Variants in TMEM209 observed in about 807,000 individuals in gnomAD.
The protein encoded by TMEM209 is transmembrane protein 209, also known as testicular tissue protein Li 202.
In TMEM209, 65 loss-of-function variants were observed where a neutral mutation model predicts 76.2. That is an observed-to-expected ratio of 0.85 (90% CI 0.70 to 1.05). TMEM209 has a LOEUF of 1.05. Ranked by LOEUF, TMEM209 falls within the 50% of genes least tolerant of loss-of-function variation. The pLI is 0.00. For synonymous variants in TMEM209, 239 were observed against 237.6 expected (o/e 1.01, Z -0.06); for missense variants, 623 against 685.5 (o/e 0.91, Z 1.02).
In TMEM209 at chr7:130,176,062, T is replaced by C. The variant is rs201182748; in HGVS notation, c.1247-453A>G. 9.2e-5 allele frequency among the ~76,000 whole-genome samples: 14 copies of C among 151,890 alleles called. No individual in the cohort carries two copies. The East Asian group carries it at 1.5e-3, about 17-fold the overall frequency. On this transcript the variant is annotated intron_variant, in intron 10 of 14. Transcript: ENST00000397622. ...ATATGTGGAAAGAAAGAATCAAATATGTCAAAAGGTTTCTAACTATCCAAT... is the reference window on the plus strand; with the variant it reads ...ATATGTGGAAAGAAAGAATCAAATACGTCAAAAGGTTTCTAACTATCCAAT...
intron 13 of TMEM209, among the ~76,000 whole-genome samples, chr7:130,172,735 A>T (rs1275490065): frequency 6.6e-6 from 1 of 152,120 alleles, no homozygotes. Context: ...ATGGTGGCTT[A>T]TGCCTGTAAT....
chr7:130,180,307 C>T (rs1354252677), intron 9 of TMEM209, among the ~76,000 whole-genome samples: 1 of 151,982 alleles, frequency 6.6e-6, no homozygotes, highest in Non-Finnish European at 1.5e-5. Flanking sequence ...ATAAAGAAAA[C>T]ATCTACCACT....
At chr7:130,191,230 AAAGAT>A (rs1445512342) in intron 6 of TMEM209, among the ~76,000 whole-genome samples, 1 of 151,868 alleles carries the variant, frequency 6.6e-6, no homozygotes, top group East Asian at 1.9e-4. Context: ...CCTAAGAGAT[AAAGAT>A]AAGTGGCATA....
intron 8 of TMEM209, among the ~76,000 whole-genome samples, chr7:130,183,773 T>C (rs1428353830): frequency 6.6e-6 from 1 of 152,194 alleles, no homozygotes; most frequent in East Asian, 1.9e-4. Flanking sequence ...TAATCTACTT[T>C]GAAATAGCTT....
At chr7:130,176,043 G>GGA in intron 10 of TMEM209, among the ~76,000 whole-genome samples, 1 of 151,602 alleles carries the variant, frequency 6.6e-6, no homozygotes, top group East Asian at 1.9e-4. Context: ...ATATATATGT[G>GGA]GAAAGAAAGA....
intron 5 of TMEM209, among the ~76,000 whole-genome samples, chr7:130,193,766 T>C (rs1004639891): frequency 3.3e-5 from 5 of 151,148 alleles, no homozygotes; most frequent in Non-Finnish European, 1.5e-5. Context: ...TCATTCTGTA[T>C]GATACTATAA....
intron 7 of TMEM209, among the ~76,000 whole-genome samples, chr7:130,184,792 T>C (rs1258667554): frequency 6.6e-6 from 1 of 152,186 alleles, no homozygotes; most frequent in Non-Finnish European, 1.5e-5. Context: ...GCCCAGCCCA[T>C]TTTTCTTGCT....
At chr7:130,186,004 T>C (rs1256466038) in intron 6 of TMEM209, among the ~76,000 whole-genome samples, 1 of 152,224 alleles carries the variant, frequency 6.6e-6, no homozygotes, top group Non-Finnish European at 1.5e-5. Context: ...TTCCGGGTTA[T>C]AGTTTTTGTC....
intron 14 of TMEM209, among the ~76,000 whole-genome samples, chr7:130,166,969 A>G (rs1796901891): frequency 6.6e-6 from 1 of 152,166 alleles, no homozygotes; most frequent in African/African-American, 2.4e-5. Flanking sequence ...ATATAACAAC[A>G]ACAACAAAAT....
At chr7:130,200,170 A>T (rs1798139394) in intron 5 of TMEM209, among the ~76,000 whole-genome samples, 1 of 151,926 alleles carries the variant, frequency 6.6e-6, no homozygotes, top group South Asian at 2.1e-4. Context: ...TATATATTAA[A>T]CTCTATAATT....
intron 5 of TMEM209, among the ~76,000 whole-genome samples, chr7:130,194,104 C>A (rs1252412328): frequency 6.6e-6 from 1 of 151,016 alleles, no homozygotes; most frequent in East Asian, 2.0e-4. Context: ...GAGGCTGAGG[C>A]AGGAGAATGG....
intron 5 of TMEM209, among the ~76,000 whole-genome samples, chr7:130,198,101 A>T (rs547929317): frequency 6.6e-6 from 1 of 152,180 alleles, no homozygotes; most frequent in East Asian, 1.9e-4. Context: ...TTAGATAACC[A>T]CTAATCTTCC....
chr7:130,181,294 C>G (rs932007927), intron 9 of TMEM209, among the ~76,000 whole-genome samples: 1 of 152,138 alleles, frequency 6.6e-6, no homozygotes, highest in Non-Finnish European at 1.5e-5. Context: ...CTGGCACTTG[C>G]AAAGGACTGG....
At chr7:130,187,986 G>C (rs541292982) in intron 6 of TMEM209, among the ~76,000 whole-genome samples, 21 of 152,170 alleles carry the variant, frequency 1.4e-4, no homozygotes, top group African/African-American at 4.8e-4. Context: ...TTAGATAATT[G>C]AACTATTGGA....
intron 8 of TMEM209, among the ~76,000 whole-genome samples, chr7:130,182,516 A>G (rs1797457620): frequency 6.6e-6 from 1 of 152,210 alleles, no homozygotes; most frequent in Non-Finnish European, 1.5e-5. Flanking sequence ...GGAAAAACAG[A>G]GACTTATTAC....
At chr7:130,172,385 C>A (rs2116973668) in intron 13 of TMEM209, among the ~76,000 whole-genome samples, 1 of 152,116 alleles carries the variant, frequency 6.6e-6, no homozygotes, top group South Asian at 2.1e-4. Flanking sequence ...CTCTGCCACC[C>A]AGGCTGGAGT....
At chr7:130,205,303 C>T in intron 1 of TMEM209, 70 bp downstream of exon 1, 2 of 1,613,510 alleles carry the variant, frequency 1.2e-6, no homozygotes, top group Non-Finnish European at 1.7e-6. Context: ...GACAGATCAG[C>T]AGGCGCGGAA....
intron 14 of TMEM209, among the ~76,000 whole-genome samples, chr7:130,167,081 A>G (rs565554762): frequency 1.3e-5 from 2 of 152,294 alleles, no homozygotes; most frequent in East Asian, 3.9e-4. Context: ...AAATAAAAAA[A>G]TCAACAGATA....
At chr7:130,184,654 G>A (rs1797534850) in intron 7 of TMEM209, among the ~76,000 whole-genome samples, 1 of 151,940 alleles carries the variant, frequency 6.6e-6, no homozygotes, top group Non-Finnish European at 1.5e-5. Flanking sequence ...CACCATGCTG[G>A]GCTAATTTTT....
Sources: gnomAD v4.1 joint callset for allele counts (sites outside exome capture counted in the v4.1 genomes callset) on GRCh38, gnomAD v4.1.1 for gene constraint, MANE v1.5 for transcripts, NCBI Gene and HGNC (gene_info 2026-07-23, HGNC 2026-07-21) for gene names.